The following KALRN variants were observed in gnomAD, a reference collection of about 807,000 sequenced individuals.
The protein encoded by KALRN is kalirin RhoGEF kinase.
KALRN carries 70 observed loss-of-function variants against 353.7 expected under a neutral mutation model. The ratio of observed to expected loss-of-function variants is 0.20; its 90% CI spans 0.16 to 0.24. The LOEUF is 0.24. Ranked by LOEUF, KALRN falls within the 10% of genes least tolerant of loss-of-function variation. KALRN has a pLI of 1.00. For synonymous variants in KALRN, 1,391 were observed against 1,434.8 expected, an observed-to-expected ratio of 0.97 and a Z score of 0.69; for missense variants, 2,791 against 3,756.7, an observed-to-expected ratio of 0.74 and a Z score of 6.72.
chr3:124,459,070 T>C lies in KALRN; in HGVS notation c.3854+2342T>C, dbSNP rs150438324. On this transcript the variant is annotated intron_variant, in intron 23 of 59. Coordinates refer to ENST00000682506, the MANE Select transcript of KALRN (RefSeq NM_001388419.1). Reference sequence around the variant, plus strand: ...GTAACATCAATTTCTTTACTTGAAGTTGAGGGATATACCACTGGGCCAGAA... The same window carrying C: ...GTAACATCAATTTCTTTACTTGAAGCTGAGGGATATACCACTGGGCCAGAA... Among the ~76,000 whole-genome samples the C allele has an allele frequency of 1.3e-4, 20 of 152,302 alleles. No homozygotes were observed. The East Asian group carries it at 3.9e-3, about 29-fold the overall frequency.
chr3:124,140,797 G>T (rs192273902), intron 1 of KALRN, among the ~76,000 whole-genome samples: 67 of 152,304 alleles, frequency 4.4e-4, no homozygotes, highest in Admixed American at 1.6e-3. Context: ...GCCCTCCCGG[G>T]GGGGGCACAG....
chr3:124,366,471 T>C (rs2149725843), intron 10 of KALRN, among the ~76,000 whole-genome samples: 1 of 149,496 alleles, frequency 6.7e-6, no homozygotes, highest in Middle Eastern at 3.4e-3. Context: ...CCTTAATCCA[T>C]TTAACCCTGA....
chr3:124,377,883 T>A (rs1432115700), intron 10 of KALRN, among the ~76,000 whole-genome samples: 1 of 152,130 alleles, frequency 6.6e-6, no homozygotes, highest in African/African-American at 2.4e-5. Flanking sequence ...TTCTGGCTAG[T>A]GTTATCATGC....
chr3:124,491,358 C>T lies in KALRN; in HGVS notation c.4623C>T (p.Gly1541=), dbSNP rs759838166. 4.6e-5 allele frequency: 74 copies of T among 1,608,882 alleles called. No individual in the cohort carries two copies. The highest frequency in any genetic ancestry group is 2.4e-4 in the South Asian group (22 of 90,226). Reference sequence around the variant, plus strand: ...TGGGTGTGACCGAGCACGTGGAGGGCGATCCCTGCAAATTCGCCTTGTGGT... The same window carrying T: ...TGGGTGTGACCGAGCACGTGGAGGGTGATCCCTGCAAATTCGCCTTGTGGT... The part of the protein sequence containing the change: ...SELGVTEHVE[G]DPCKFALWSG... Residue 1541 remains glycine, a synonymous_variant, in exon 31 of 60, where the codon GGC becomes GGT. Transcript: ENST00000682506.
chr3:124,300,876 T>G (rs1173516930), intron 6 of KALRN, among the ~76,000 whole-genome samples: 1 of 152,226 alleles, frequency 6.6e-6, no homozygotes, highest in Non-Finnish European at 1.5e-5. Flanking sequence ...TTCTTCCCAC[T>G]GGTCTCCTGT....
At chr3:124,551,242 C>T (rs752182783) in intron 33 of KALRN, among the ~76,000 whole-genome samples, 5 of 152,060 alleles carry the variant, frequency 3.3e-5, no homozygotes, top group Non-Finnish European at 7.4e-5. Context: ...TAGGACTCAC[C>T]CAGTAAGTGG....
chr3:124,059,488 G>C (rs935407121), intron 1 of KALRN, among the ~76,000 whole-genome samples: 1 of 151,938 alleles, frequency 6.6e-6, no homozygotes, highest in Non-Finnish European at 1.5e-5. Context: ...TTATACAATA[G>C]ATTTCTTGAA....
Position 124,678,275 on chromosome 3 carries a change from A to G in KALRN, c.7279A>G (p.Lys2427Glu), listed in dbSNP as rs2087421557. The G allele has an allele frequency of 6.2e-7, 1 of 1,614,072 alleles. No individual in the cohort carries two copies. Among genetic ancestry groups the G allele is most frequent in the Non-Finnish European group, 8.5e-7 (1 of 1,179,934 alleles). Residue 2427 changes from lysine to glutamate, a missense_variant, in exon 50 of 60, where the codon AAA becomes GAA. By Grantham distance (56) the Lys-to-Glu change is moderately conservative. Coordinates refer to ENST00000682506, the MANE Select transcript of KALRN (RefSeq NM_001388419.1). Reference protein sequence around the residue: ...TGKNEATGPRKPKDILGNKVS... With the variant: ...TGKNEATGPREPKDILGNKVS... Reference sequence around the variant, plus strand: ...TAAAAATGAAGCCACAGGGCCTCGTAAACCCAAGGATATTCTGGGCAACAA... The same window carrying G: ...TAAAAATGAAGCCACAGGGCCTCGTGAACCCAAGGATATTCTGGGCAACAA...
rs552125939 is a variant in KALRN at position 124,696,396 on chromosome 3, G to A, written c.7699+141G>A. 69 of 610,048 alleles carry A rather than the reference G, an allele frequency of 1.1e-4. 1 individual carries two copies. The South Asian group carries it at 2.0e-3, about 17-fold the overall frequency. The allele number at this position is 610,048 out of a possible 1,614,324, so 37.8% of individuals were successfully genotyped here. A position where few individuals can be genotyped will look rare whatever the true frequency, so the allele number is the denominator to read the frequency against. On this transcript the variant is annotated intron_variant, in intron 54 of 59. Transcript: ENST00000682506. ...AGCACTCCAACCACCTCAGCCTCCC[G>A]ATTAGCTGGACATGCACCACCATGC...
intron 1 of KALRN, among the ~76,000 whole-genome samples, chr3:124,197,753 G>A (rs1378710381): frequency 6.6e-6 from 1 of 152,172 alleles, no homozygotes; most frequent in African/African-American, 2.4e-5. Context: ...CATAGGGAGG[G>A]ATTTATCAGG....
intron 10 of KALRN, among the ~76,000 whole-genome samples, chr3:124,373,118 G>C (rs1429669572): frequency 6.6e-6 from 1 of 151,176 alleles, no homozygotes; most frequent in Admixed American, 6.6e-5. Flanking sequence ...CCCCTGTCCT[G>C]TGAGAACCAC....
At chr3:124,394,693 G>T (rs1331195748) in intron 11 of KALRN, among the ~76,000 whole-genome samples, 1 of 152,154 alleles carries the variant, frequency 6.6e-6, no homozygotes, top group African/African-American at 2.4e-5. Context: ...AGTTCTTATT[G>T]ACCACCACAT....
chr3:124,681,708 C>A (rs984765676), intron 51 of KALRN, among the ~76,000 whole-genome samples: 5 of 143,970 alleles, frequency 3.5e-5, no homozygotes, highest in Non-Finnish European at 7.4e-5. Context: ...CGGCTTACTG[C>A]AACCTCTGCT....
Position 124,446,942 on chromosome 3 carries a change from A to G in KALRN, c.3552+57A>G, listed in dbSNP as rs1577011314. On this transcript the variant is annotated intron_variant, in intron 21 of 59. Coordinates refer to ENST00000682506, the MANE Select transcript of KALRN (RefSeq NM_001388419.1). ...CACCCAGAACTCTCCATTCTGGCCA[A>G]TTTCACATTATGGAAGCAAAGACAG... is the stretch of plus-strand genomic sequence containing the variant. The G allele has an allele frequency of 2.0e-5, 32 of 1,583,898 alleles. No homozygotes were observed. In the East Asian group the frequency reaches 6.7e-4, roughly 33 times the overall value.
At chr3:124,196,943 A>G (rs1466759544) in intron 1 of KALRN, among the ~76,000 whole-genome samples, 1 of 152,250 alleles carries the variant, frequency 6.6e-6, no homozygotes, top group Admixed American at 6.5e-5. Context: ...GGAGGCTTAA[A>G]TAATTTAAGT....
chr3:124,042,607 A>G (rs2040067482), intron 1 of KALRN, among the ~76,000 whole-genome samples: 1 of 152,164 alleles, frequency 6.6e-6, no homozygotes, highest in African/African-American at 2.4e-5. Flanking sequence ...AAGAGATAGG[A>G]ACCCAAGATT....
At chr3:124,625,451 A>G (rs2079835364) in intron 34 of KALRN, among the ~76,000 whole-genome samples, 1 of 152,118 alleles carries the variant, frequency 6.6e-6, no homozygotes, top group Admixed American at 6.6e-5. Context: ...GCCAGGTATG[A>G]TGGCTCATGC....
chr3:124,503,751 G>A lies in KALRN; in HGVS notation c.4935+7338G>A, dbSNP rs574815137. Among the ~76,000 whole-genome samples the A allele has an allele frequency of 3.3e-5, 5 of 152,284 alleles. No homozygotes were observed. The South Asian group carries it at 8.3e-4, about 25-fold the overall frequency. On this transcript the variant is annotated intron_variant, in intron 33 of 59. Transcript: ENST00000682506. ...ACAAGTTGATAAAGTGTGAGGAATCGAAGTCACAGGTTTTCCTCTAAGTGA... is the reference window on the plus strand; with the variant it reads ...ACAAGTTGATAAAGTGTGAGGAATCAAAGTCACAGGTTTTCCTCTAAGTGA...
chr3:124,285,227 A>G (rs1218788582), intron 5 of KALRN, among the ~76,000 whole-genome samples: 3 of 152,182 alleles, frequency 2.0e-5, no homozygotes, highest in African/African-American at 7.2e-5. Context: ...TTAGGGAATC[A>G]ATGTTCAATA....
Sources: allele counts gnomAD v4.1 joint callset (sites outside exome capture counted in the v4.1 genomes callset), GRCh38; gene constraint gnomAD v4.1.1; transcripts MANE v1.5; gene names NCBI Gene and HGNC (gene_info 2026-07-23, HGNC 2026-07-21).